ADH1A: variants seen among roughly 807,000 people sequenced by gnomAD.
ADH1A encodes alcohol dehydrogenase 1A (class I), alpha polypeptide.
ADH1A carries 29 observed loss-of-function variants against 35.2 expected under a neutral mutation model. The observed-to-expected ratio is 0.82, with a 90% CI of 0.61 to 1.12. ADH1A has a LOEUF of 1.12. ADH1A is among the 50% of genes most tolerant of loss of function. ADH1A has a pLI of 0.00. For synonymous variants in ADH1A, 147 were observed against 164.8 expected (o/e 0.89, Z 0.83); for missense variants, 469 against 464.7 (o/e 1.01, Z -0.09).
intron 3 of ADH1A, chr4:99,286,615 A>G: frequency 3.7e-6 from 2 of 542,700 alleles, no homozygotes; most frequent in South Asian, 6.5e-5. Context: ...CAACCTGGTG[A>G]CTGGCATCTA....
At position 99,286,944 on chromosome 4, in the gene ADH1A, A is replaced by G. The variant is rs1733166869; in HGVS notation, c.165T>C (p.Ser55=). The G allele has an allele frequency of 4.3e-6, 7 of 1,614,210 alleles. No individual in the cohort carries two copies. Among genetic ancestry groups the G allele is most frequent in the Middle Eastern group, 1.6e-4 (1 of 6,062 alleles). ...CAGGAAGTGGGGTCACCATGGTACC[A>G]CTAACCACGTGGTCATCTGTGCCAC... ...GICGTDDHVV[S]GTMVTPLPVI... The change falls in exon 3 of 9, where the codon AGT becomes AGC. Residue 55 remains serine (S), a synonymous_variant. Transcript: ENST00000209668.
chr4:99,287,720 T>C, intron 1 of ADH1A, 55 bp from the exon 2 acceptor site: 1 of 1,587,344 alleles, frequency 6.3e-7, no homozygotes, highest in Non-Finnish European at 8.6e-7. Flanking sequence ...TGCAGTCAGA[T>C]ATTGTGTCAT....
chr4:99,280,426 G>T (rs1203981744), intron 6 of ADH1A, 147 bp from the exon 7 acceptor site: 11 of 1,362,790 alleles, frequency 8.1e-6, no homozygotes, highest in Admixed American at 6.8e-5. Context: ...CCCCTTTTTT[G>T]CACGGGATAG....
At position 99,279,608 on chromosome 4, in the gene ADH1A, T is replaced by C. The variant is rs968417828; in HGVS notation, c.965-44A>G. 5 of 1,573,682 alleles carry C rather than the reference T, an allele frequency of 3.2e-6. No individual in the cohort carries two copies. In the African/African-American group the frequency reaches 6.9e-5, roughly 22 times the overall value. On this transcript the variant is annotated intron_variant, in intron 7 of 8. Transcript: ENST00000209668. The stretch of plus-strand genomic sequence containing the variant: ...CATTGTTAGATTCAACCAGGGTAAG[T>C]AGGAGAATTGAAGAGAAGATTTTCC...
chr4:99,281,947 T>G, intron 6 of ADH1A: 1 of 203,584 alleles, frequency 4.9e-6, no homozygotes, highest in East Asian at 1.3e-4. Flanking sequence ...AATTGGAATT[T>G]ATTAAGAACA....
chr4:99,286,611 G>T lies in ADH1A; in HGVS notation c.259+239C>A, dbSNP rs74316511. ...CTCACATATCTCCAGGCTCCAACCTGGTGACTGGCATCTAGCAGATGCTCA... is the reference window on the plus strand; with the variant it reads ...CTCACATATCTCCAGGCTCCAACCTTGTGACTGGCATCTAGCAGATGCTCA... On this transcript the variant is annotated intron_variant, in intron 3 of 8. Transcript: ENST00000209668. 4.0e-4 allele frequency: 212 copies of T among 530,152 alleles called. 1 individual carries two copies. Among genetic ancestry groups the T allele is most frequent in the Non-Finnish European group, 6.0e-4 (190 of 318,290 alleles). The allele number at this position is 530,152 out of a possible 1,614,324, so 32.8% of individuals were successfully genotyped here. A position where few individuals can be genotyped will look rare whatever the true frequency, so the allele number is the denominator to read the frequency against.
chr4:99,279,447 T>A lies in ADH1A; in HGVS notation c.1082A>T (p.Asp361Val). The change falls in exon 8 of 9, where the codon GAC (aspartate) becomes GTC (valine). Residue 361 changes from aspartate (D) to valine (V), a missense_variant. Physicochemically the swap from Asp to Val is radical, Grantham distance 152 (BLOSUM62 -3). Coordinates refer to ENST00000209668, the MANE Select transcript of ADH1A (RefSeq NM_000667.4). ...LPFEKINEGF[D>V]LLHSGKSIRT... ...CTACCTTTTCCCAGAGTGAAGCAGG[T>A]CAAATCCTTCATTTATTTTTTCAAA... 3 of 1,607,060 alleles carry A rather than the reference T, an allele frequency of 1.9e-6. No individual in the cohort carries two copies. Among genetic ancestry groups the A allele is most frequent in the East Asian group, 4.5e-5 (2 of 44,694 alleles).
At chr4:99,282,016 AT>A (rs1222352209) in intron 6 of ADH1A, 12 of 308,708 alleles carry the variant, frequency 3.9e-5, no homozygotes, top group Non-Finnish European at 5.3e-5. Context: ...AAACATTCCA[AT>A]TTGAGAACAG....
At position 99,284,762 on chromosome 4, in the gene ADH1A, A is replaced by T; in HGVS notation, c.301T>A (p.Cys101Ser). ...IPLAIPQCGK[C>S]RICKNPESNY... is the part of the protein sequence containing the mutation. ...CTCTCCGGGTTTTTACAAATTCTGCATTTTCCACACTGAGGAATAGCGAGT... is the reference window on the plus strand; with the variant it reads ...CTCTCCGGGTTTTTACAAATTCTGCTTTTTCCACACTGAGGAATAGCGAGT... Residue 101 changes from cysteine (C) to serine (S), a missense_variant, in exon 4 of 9, where the codon TGC (cysteine) becomes AGC (serine). By Grantham distance (112) the Cys-to-Ser change is moderately radical. Coordinates refer to ENST00000209668, the MANE Select transcript of ADH1A (RefSeq NM_000667.4). 6 of 1,614,166 alleles carry T rather than the reference A, an allele frequency of 3.7e-6. No homozygotes were observed. Among genetic ancestry groups the T allele is most frequent in the Non-Finnish European group, 5.1e-6 (6 of 1,180,032 alleles).
intron 1 of ADH1A, among the ~76,000 whole-genome samples, chr4:99,289,584 T>C (rs1733241280): frequency 6.6e-6 from 1 of 152,220 alleles, no homozygotes; most frequent in African/African-American, 2.4e-5. Context: ...TATTGAATTA[T>C]CACAACACAA....
chr4:99,282,482 G>T lies in ADH1A; in HGVS notation c.692C>A (p.Ala231Glu). 1 of 1,614,080 alleles carries T rather than the reference G, an allele frequency of 6.2e-7. No individual in the cohort carries two copies. The highest frequency in any genetic ancestry group is 8.5e-7 in the Non-Finnish European group (1 of 1,180,016). Residue 231 changes from alanine to glutamate, a missense_variant, in exon 6 of 9, where the codon GCA becomes GAA. By Grantham distance (107) the Ala-to-Glu change is moderately radical. Coordinates refer to ENST00000209668, the MANE Select transcript of ADH1A (RefSeq NM_000667.4). ...AGTGGCACCCAACTCTTTGGCCTTT[G>T]CAAATTTGTCCTTGTTGATGTCCAC... ...IAVDINKDKF[A>E]KAKELGATEC... is the part of the protein sequence containing the mutation.
intron 8 of ADH1A, among the ~76,000 whole-genome samples, chr4:99,279,042 C>G: frequency 6.6e-6 from 1 of 152,030 alleles, no homozygotes; most frequent in East Asian, 1.9e-4. Context: ...TTTAAATATA[C>G]AGCCACCTAA....
chr4:99,281,960 T>A, intron 6 of ADH1A: 1 of 229,766 alleles, frequency 4.4e-6, no homozygotes, highest in Non-Finnish European at 8.5e-6. Flanking sequence ...TAAGAACATA[T>A]GCAAAATTAT....
At chr4:99,281,615 G>T (rs1733003960) in intron 6 of ADH1A, among the ~76,000 whole-genome samples, 1 of 152,088 alleles carries the variant, frequency 6.6e-6, no homozygotes, top group South Asian at 2.1e-4. Flanking sequence ...CAAATAAAAA[G>T]AAGACATTTA....
intron 1 of ADH1A, among the ~76,000 whole-genome samples, chr4:99,289,719 G>A (rs1033259704): frequency 1.3e-5 from 2 of 152,122 alleles, no homozygotes; most frequent in African/African-American, 4.8e-5. Context: ...GCCCAAGAGG[G>A]GAGGCAATTG....
intron 2 of ADH1A, 28 bp from the exon 3 acceptor site, chr4:99,287,016 A>G: frequency 4.4e-6 from 7 of 1,597,222 alleles, no homozygotes; most frequent in Non-Finnish European, 6.0e-6. Flanking sequence ...GATGTTTATA[A>G]AAGATTGTGA....
intron 3 of ADH1A, 61 bp from the exon 4 acceptor site, chr4:99,284,864 C>T: frequency 1.4e-6 from 2 of 1,415,798 alleles, no homozygotes; most frequent in East Asian, 4.6e-5. Context: ...AGAGCAAAAA[C>T]ATAAAGCTCA....
At chr4:99,277,177 G>A (rs1732889580) in intron 8 of ADH1A, among the ~76,000 whole-genome samples, 1 of 151,700 alleles carries the variant, frequency 6.6e-6, no homozygotes, top group African/African-American at 2.4e-5. Context: ...ATACAAATTT[G>A]CACAAATTAT....
intron 6 of ADH1A, among the ~76,000 whole-genome samples, chr4:99,281,397 C>T (rs1422882790): frequency 1.3e-5 from 2 of 152,118 alleles, no homozygotes; most frequent in South Asian, 2.1e-4. Context: ...ATGTAATAAG[C>T]CAAAGATGAT....
Sources: gnomAD v4.1 joint callset for allele counts (sites outside exome capture counted in the v4.1 genomes callset) on GRCh38, gnomAD v4.1.1 for gene constraint, MANE v1.5 for transcripts, NCBI Gene and HGNC (gene_info 2026-07-23, HGNC 2026-07-21) for gene names.